The following RUNX1T1 variants were observed in gnomAD, a reference collection of about 807,000 sequenced individuals.
RUNX1T1 encodes the protein protein CBFA2T1.
Under a neutral mutation model 62.8 loss-of-function variants are expected in RUNX1T1, and 4 were observed. The observed-to-expected ratio is 0.06, with a 90% CI of 0.03 to 0.15. The LOEUF is 0.15. Ranked by LOEUF, RUNX1T1 falls within the 10% of genes least tolerant of loss-of-function variation. The probability of loss-of-function intolerance (pLI) is 1.00; values close to 1 mark genes in which losing one functional copy is unlikely to be tolerated. For missense variants in RUNX1T1, 508 were observed against 754.3 expected, an observed-to-expected ratio of 0.67 and a Z score of 3.82; for synonymous variants, 291 against 286.0, an observed-to-expected ratio of 1.02 and a Z score of -0.18.
intron 1 of RUNX1T1, among the ~76,000 whole-genome samples, chr8:92,082,176 C>T (rs199926646): frequency 3.9e-5 from 6 of 152,148 alleles, no homozygotes; most frequent in Non-Finnish European, 8.8e-5. Flanking sequence ...TGAGCCACCG[C>T]GCCTGGCCTA....
rs11374252 is a variant in RUNX1T1 at position 91,970,043 on chromosome 8, T to TGTGTGTGTGTTGTG, written c.1458+614_1458+615insCACAACACACACAC. Among the ~76,000 whole-genome samples, 189 of 142,806 alleles carry TGTGTGTGTGTTGTG rather than the reference T, an allele frequency of 1.3e-3. 1 individual carries two copies. Among genetic ancestry groups the TGTGTGTGTGTTGTG allele is most frequent in the African/African-American group, 4.8e-3 (183 of 37,804 alleles). The allele number at this position is 142,806 out of a possible 152,430, so 93.7% of individuals were successfully genotyped here. A position where few individuals can be genotyped will look rare whatever the true frequency, so the allele number is the denominator to read the frequency against. On this transcript the variant is annotated intron_variant, in intron 10 of 10. Transcript: ENST00000396218. ...CTGTGTGTGTGTGTGTGTGTGTGTG[T>TGTGTGTGTGTTGTG]TGTGTGTGTGTGTGTGAGAATTATT... is the stretch of plus-strand genomic sequence containing the variant.
intron 1 of RUNX1T1, among the ~76,000 whole-genome samples, chr8:92,053,937 A>G (rs1049248686): frequency 6.6e-6 from 1 of 152,136 alleles, no homozygotes; most frequent in Non-Finnish European, 1.5e-5. Flanking sequence ...TTAAACAGTG[A>G]AGAAAAGAAG....
At chr8:92,018,183 G>GTC (rs1563768141) in intron 1 of RUNX1T1, among the ~76,000 whole-genome samples, 1 of 151,982 alleles carries the variant, frequency 6.6e-6, no homozygotes, top group Non-Finnish European at 1.5e-5. Flanking sequence ...CAGAACTGCT[G>GTC]TAAGTATACT....
chr8:91,994,009 C>CA (rs1208453831), intron 5 of RUNX1T1, among the ~76,000 whole-genome samples: 1 of 151,848 alleles, frequency 6.6e-6, no homozygotes, highest in African/African-American at 2.4e-5. Context: ...ACAACAACAA[C>CA]AACAAAAAAA....
intron 1 of RUNX1T1, among the ~76,000 whole-genome samples, chr8:92,051,299 C>T (rs1830188226): frequency 6.6e-6 from 1 of 151,990 alleles, no homozygotes; most frequent in Admixed American, 6.6e-5. Flanking sequence ...GAGACACAAA[C>T]ATAATTAGGT....
chr8:92,089,053 C>G (rs780119655), intron 1 of RUNX1T1, among the ~76,000 whole-genome samples: 12 of 152,162 alleles, frequency 7.9e-5, no homozygotes, highest in Non-Finnish European at 1.5e-4. Context: ...TTTCTAATGT[C>G]AGATGAAAAT....
intron 1 of RUNX1T1, among the ~76,000 whole-genome samples, chr8:92,090,872 G>T (rs1226878036): frequency 6.6e-6 from 1 of 152,208 alleles, no homozygotes; most frequent in Non-Finnish European, 1.5e-5. Context: ...TTGAAATGAA[G>T]AAAGTGAAAC....
intron 8 of RUNX1T1, among the ~76,000 whole-genome samples, chr8:91,981,695 G>T (rs1050425952): frequency 6.6e-6 from 1 of 151,898 alleles, no homozygotes; most frequent in African/African-American, 2.4e-5. Flanking sequence ...GATTACAGGC[G>T]TCAGCCAACA....
intron 1 of RUNX1T1, among the ~76,000 whole-genome samples, chr8:92,025,489 C>A (rs73695103): frequency 6.6e-6 from 1 of 152,112 alleles, no homozygotes; most frequent in African/African-American, 2.4e-5. Context: ...TACTCTTCAC[C>A]CCATCACCGC....
exon 1 of RUNX1T1, chr8:92,062,652 A>C (rs1350521157): frequency 6.2e-7 from 1 of 1,611,880 alleles, no homozygotes; most frequent in East Asian, 2.2e-5. Context: ...AGCAGAGAGG[A>C]GGGCCATCAG....
At position 92,075,902 on chromosome 8, in the gene RUNX1T1, A is replaced by C; in HGVS notation, c.88+63T>G. The C allele has an allele frequency of 1.5e-5, 21 of 1,417,914 alleles. No homozygotes were observed. The East Asian group carries it at 2.1e-4, about 14-fold the overall frequency. The allele number at this position is 1,417,914 out of a possible 1,614,324, so 87.8% of individuals were successfully genotyped here. On this transcript the variant is annotated intron_variant, in intron 2 of 11. Transcript: ENST00000265814. ...TTTACAATTATAATTTATTGGAAAA[A>C]ATAGATTGATTTTTCTGGTACGTAA... is the stretch of plus-strand genomic sequence containing the variant.
intron 6 of RUNX1T1, among the ~76,000 whole-genome samples, chr8:91,990,462 A>C (rs956347573): frequency 2.0e-5 from 3 of 152,182 alleles, no homozygotes; most frequent in Non-Finnish European, 4.4e-5. Flanking sequence ...GAGACTCATC[A>C]CTAATTAGGA....
chr8:92,014,294 C>A (rs1822566029), intron 3 of RUNX1T1, among the ~76,000 whole-genome samples: 2 of 151,402 alleles, frequency 1.3e-5, no homozygotes, highest in South Asian at 4.2e-4. Flanking sequence ...CACACACACA[C>A]ACACACACAT....
In RUNX1T1 at chr8:92,003,653, T is replaced by C. The variant is rs559073714; in HGVS notation, c.659+1463A>G. Among the ~76,000 whole-genome samples, 124 of 152,298 alleles carry C rather than the reference T, an allele frequency of 8.1e-4. 1 individual carries two copies. Among genetic ancestry groups the C allele is most frequent in the African/African-American group, 2.9e-3 (119 of 41,554 alleles). ...TCTCAGTATCTGTATGTCATACTCA[T>C]TTTCTGCAGGGTAAATCAGTTCAGG... On this transcript the variant is annotated intron_variant, in intron 5 of 10. Coordinates refer to ENST00000396218, the Ensembl canonical transcript of RUNX1T1.
chr8:91,972,754 A>T (rs1049211069), intron 9 of RUNX1T1, among the ~76,000 whole-genome samples: 1 of 152,134 alleles, frequency 6.6e-6, no homozygotes, highest in African/African-American at 2.4e-5. Context: ...CTAATCCCAC[A>T]GGCATATACA....
intron 3 of RUNX1T1, among the ~76,000 whole-genome samples, chr8:92,013,416 G>A (rs924908418): frequency 6.6e-6 from 1 of 152,196 alleles, no homozygotes; most frequent in Non-Finnish European, 1.5e-5. Flanking sequence ...ATAGTGATTT[G>A]AAGCATGTCT....
chr8:91,959,488 G>GTGTGTGTGTA (rs1405432738), exon 11 of RUNX1T1: 1 of 84,796 alleles, frequency 1.2e-5, no homozygotes, highest in African/African-American at 5.0e-5. Context: ...GTGTGTGTGT[G>GTGTGTGTGTA]TATATATATA....
At chr8:92,091,000 A>T (rs1836908206) in intron 1 of RUNX1T1, among the ~76,000 whole-genome samples, 1 of 152,200 alleles carries the variant, frequency 6.6e-6, no homozygotes, top group Admixed American at 6.5e-5. Context: ...CAAGACCAAC[A>T]ACTAAGTAGC....
chr8:92,062,317 A>G (rs1038795713), intron 1 of RUNX1T1, among the ~76,000 whole-genome samples: 6 of 152,182 alleles, frequency 3.9e-5, no homozygotes, highest in Middle Eastern at 3.4e-3. Context: ...TTTAAAATAC[A>G]TCTCCCAAAT....
Sources: gnomAD v4.1 joint callset for allele counts (sites outside exome capture counted in the v4.1 genomes callset) on GRCh38, gnomAD v4.1.1 for gene constraint, MANE v1.5 for transcripts, NCBI Gene and HGNC (gene_info 2026-07-23, HGNC 2026-07-21) for gene names.